Variants in ATP2B1 observed in about 807,000 individuals in gnomAD.
ATP2B1 encodes plasma membrane calcium-transporting ATPase 1.
A neutral mutation model predicts 124.2 loss-of-function variants in ATP2B1; 14 were observed. That is an observed-to-expected ratio of 0.11 (90% confidence interval 0.07 to 0.18). ATP2B1 has a LOEUF of 0.18. ATP2B1 is among the 10% of genes least tolerant of loss of function. The pLI, the probability that ATP2B1 is intolerant of heterozygous loss-of-function variation, is 1.00. For missense variants in ATP2B1, 763 were observed against 1,466.1 expected, an observed-to-expected ratio of 0.52 and a Z score of 7.83; for synonymous variants, 449 against 492.4, an observed-to-expected ratio of 0.91 and a Z score of 1.17.
Position 89,619,336 on chromosome 12 carries a change from G to A in ATP2B1, c.1829+663C>T, listed in dbSNP as rs562087117. Among the ~76,000 whole-genome samples, 12 of 152,226 alleles carry A rather than the reference G, an allele frequency of 7.9e-5. No individual in the cohort carries two copies. In the South Asian group the frequency reaches 1.7e-3, roughly 21 times the overall value. On this transcript the variant is annotated intron_variant, in intron 11 of 20. Coordinates refer to ENST00000428670, the MANE Select transcript of ATP2B1 (RefSeq NM_001366521.1). ...GTTGAAGATCTAAACTTGAGGCCAG[G>A]TGCAGTGACTCACGTCTGTAATCCC...
chr12:89,698,018 A>C (rs577484853), intron 1 of ATP2B1, among the ~76,000 whole-genome samples: 58 of 152,038 alleles, frequency 3.8e-4, no homozygotes, highest in Non-Finnish European at 7.8e-4. Flanking sequence ...TTACAGGCCC[A>C]TGCCACTACG....
chr12:89,706,263 C>G (rs1219143179), intron 1 of ATP2B1, among the ~76,000 whole-genome samples: 1 of 151,598 alleles, frequency 6.6e-6, no homozygotes, highest in Non-Finnish European at 1.5e-5. Context: ...TATTTAAGAA[C>G]AAGCAACTGT....
At chr12:89,692,827 A>G (rs1481294062) in intron 1 of ATP2B1, among the ~76,000 whole-genome samples, 4 of 152,170 alleles carry the variant, frequency 2.6e-5, no homozygotes, top group African/African-American at 9.7e-5. Flanking sequence ...ACTTATTTCA[A>G]TGTTTAATAT....
chr12:89,623,407 A>G (rs560211793), intron 9 of ATP2B1, among the ~76,000 whole-genome samples: 1 of 152,292 alleles, frequency 6.6e-6, no homozygotes, highest in East Asian at 1.9e-4. Flanking sequence ...AAATTGATAA[A>G]AATAAATTAA....
chr12:89,621,299 A>G (rs968752269), intron 10 of ATP2B1, among the ~76,000 whole-genome samples: 1 of 152,138 alleles, frequency 6.6e-6, no homozygotes, highest in Non-Finnish European at 1.5e-5. Flanking sequence ...TGCTCTGGTT[A>G]TAAGGCTGGA....
chr12:89,591,944 G>C (rs1288867298), intron 20 of ATP2B1, among the ~76,000 whole-genome samples: 1 of 151,932 alleles, frequency 6.6e-6, no homozygotes, highest in East Asian at 1.9e-4. Flanking sequence ...GTTTTTCTCT[G>C]TAACAGATTA....
At chr12:89,701,074 C>T (rs1036864653) in intron 1 of ATP2B1, among the ~76,000 whole-genome samples, 28 of 152,174 alleles carry the variant, frequency 1.8e-4, no homozygotes, top group Non-Finnish European at 5.9e-5. Flanking sequence ...TTCTTGACTT[C>T]TTGGCAGCTG....
rs774430402 is a variant in ATP2B1 at position 89,655,684 on chromosome 12, T to C, written c.203A>G (p.Asn68Ser). Residue 68 changes from asparagine (N) to serine (S), a missense_variant, in exon 2 of 21, where the codon AAT becomes AGT. Around this residue, in one of 7 missense-constraint regions of ATP2B1, gnomAD observed 93 missense variants for 112.7 expected, o/e 0.83. Coordinates refer to ENST00000428670, the MANE Select transcript of ATP2B1 (RefSeq NM_001366521.1). ...GICTKLKTSP[N>S]EGLSGNPADL... ...ACAAGCATAATAAAACTCACCTTCA[T>C]TGGGAGATGTTTTCAATTTGGTGCA... The C allele has an allele frequency of 9.3e-6, 15 of 1,613,944 alleles. No homozygotes were observed. Among genetic ancestry groups the C allele is most frequent in the Non-Finnish European group, 1.3e-5 (15 of 1,179,802 alleles).
intron 12 of ATP2B1, among the ~76,000 whole-genome samples, chr12:89,613,299 A>G (rs1217119907): frequency 1.3e-5 from 2 of 152,146 alleles, no homozygotes; most frequent in African/African-American, 2.4e-5. Flanking sequence ...CATGTTTTAA[A>G]ACATGTATGC....
intron 3 of ATP2B1, among the ~76,000 whole-genome samples, chr12:89,638,542 G>C (rs531714311): frequency 6.6e-6 from 1 of 152,266 alleles, no homozygotes; most frequent in South Asian, 2.1e-4. Context: ...GAAGCAGACA[G>C]GAGAACCGAG....
chr12:89,625,227 C>T (rs1310021165), intron 8 of ATP2B1, among the ~76,000 whole-genome samples: 3 of 151,742 alleles, frequency 2.0e-5, no homozygotes, highest in African/African-American at 7.3e-5. Context: ...GATCGCACCA[C>T]TGCACTCCAG....
rs369985301 is a variant in ATP2B1, at chr12:89,591,242, C to T, written c.3405G>A (p.Pro1135=). The stretch of plus-strand genomic sequence containing the variant: ...AGTTGTGAATCGAACTTCTTGATTC[C>T]GGTTTTTCTAACCCTTCATATAAAG... ...RSSLYEGLEK[P]ESRSSIHNFM... is the part of the protein sequence containing the mutation. Residue 1135 remains proline (P), a synonymous_variant, in exon 21 of 21, where the codon CCG becomes CCA. Coordinates refer to ENST00000428670, the MANE Select transcript of ATP2B1 (RefSeq NM_001366521.1). The T allele has an allele frequency of 2.6e-5, 42 of 1,612,628 alleles. No individual in the cohort carries two copies. The East Asian group carries it at 4.2e-4, about 16-fold the overall frequency.
rs1879731532 is a variant in ATP2B1, at chr12:89,620,200, T to C, written c.1628A>G (p.Asn543Ser). The C allele has an allele frequency of 1.9e-6, 3 of 1,614,108 alleles. No homozygotes were observed. The highest frequency in any genetic ancestry group is 2.5e-6 in the Non-Finnish European group (3 of 1,179,982). Residue 543 changes from asparagine (N) to serine (S), a missense_variant, in exon 11 of 21, where the codon AAT (asparagine) becomes AGT (serine). Asn to Ser is a conservative substitution (Grantham distance 46). Around this residue, in one of 7 missense-constraint regions of ATP2B1, gnomAD observed 392 missense variants for 776.6 expected, o/e 0.50. Transcript: ENST00000428670. The part of the protein sequence containing the change: ...KEGGLPRHVG[N>S]KTECALLGLL... Reference sequence around the variant, plus strand: ...TCCCAACAAGGCACATTCAGTTTTATTACCAACGTGACGAGGTAATCCACC... The same window carrying C: ...TCCCAACAAGGCACATTCAGTTTTACTACCAACGTGACGAGGTAATCCACC...
At chr12:89,646,842 T>A (rs886235424) in intron 2 of ATP2B1, among the ~76,000 whole-genome samples, 5 of 151,694 alleles carry the variant, frequency 3.3e-5, no homozygotes, top group Non-Finnish European at 4.4e-5. Context: ...TTTTTTTTTT[T>A]AAAAGTAGGT....
intron 8 of ATP2B1, among the ~76,000 whole-genome samples, chr12:89,626,220 G>A (rs2136122243): frequency 6.6e-6 from 1 of 152,256 alleles, no homozygotes; most frequent in Middle Eastern, 3.4e-3. Context: ...GAGTGCACAG[G>A]CTTGTAACTG....
chr12:89,633,071 T>A (rs1437838426), intron 5 of ATP2B1, among the ~76,000 whole-genome samples: 1 of 152,160 alleles, frequency 6.6e-6, no homozygotes, highest in Non-Finnish European at 1.5e-5. Context: ...GATGGTAAGG[T>A]ATGATTAGAT....
chr12:89,687,615 G>C (rs1890111199), intron 1 of ATP2B1, among the ~76,000 whole-genome samples: 1 of 152,026 alleles, frequency 6.6e-6, no homozygotes, highest in African/African-American at 2.4e-5. Context: ...GGCCAAGAAA[G>C]TGGTCAAATC....
intron 6 of ATP2B1, among the ~76,000 whole-genome samples, chr12:89,630,205 G>A (rs1218937479): frequency 2.0e-5 from 3 of 152,268 alleles, no homozygotes; most frequent in African/African-American, 4.8e-5. Flanking sequence ...TAAAGTAGCA[G>A]AAAAAATCCG....
intron 1 of ATP2B1, among the ~76,000 whole-genome samples, chr12:89,707,282 G>C (rs947481082): frequency 1.3e-5 from 2 of 152,110 alleles, no homozygotes; most frequent in Non-Finnish European, 2.9e-5. Context: ...TGCCAGATGA[G>C]AGCCTCATAC....
Sources: allele counts gnomAD v4.1 joint callset (sites outside exome capture counted in the v4.1 genomes callset), GRCh38; gene constraint gnomAD v4.1.1; regional missense constraint gnomAD v4.1.1; transcripts MANE v1.5; gene names NCBI Gene and HGNC (gene_info 2026-07-23, HGNC 2026-07-21).